Variants in EIF5 observed in about 807,000 individuals in gnomAD.
EIF5 encodes eukaryotic translation initiation factor 5.
In EIF5, 10 loss-of-function variants were observed where a neutral mutation model predicts 48.3. That is an observed-to-expected ratio of 0.21 (90% CI 0.13 to 0.35). The LOEUF is 0.35. Ranked by LOEUF, EIF5 falls within the 10% of genes least tolerant of loss-of-function variation. The pLI is 1.00. For synonymous variants in EIF5, 237 were observed against 173.1 expected (o/e 1.37, Z -2.90); for missense variants, 397 against 533.2 (o/e 0.74, Z 2.51).
chr14:103,339,396 A>G, intron 9 of EIF5, 63 bp downstream of exon 9: 1 of 1,538,936 alleles, frequency 6.5e-7, no homozygotes. Context: ...AGATGGTCAT[A>G]TTAACCACTT....
chr14:103,340,588 G>A, intron 11 of EIF5, 27 bp downstream of exon 11: 1 of 1,600,382 alleles, frequency 6.2e-7, no homozygotes, highest in Non-Finnish European at 8.6e-7. Context: ...GAGGGTATTG[G>A]ATACAGTGCT....
intron 6 of EIF5, 146 bp downstream of exon 6, chr14:103,337,373 G>C (rs2089299509): frequency 3.1e-6 from 2 of 655,016 alleles, no homozygotes; most frequent in Non-Finnish European, 5.1e-6. Context: ...GGGAGGCCAG[G>C]GCGGGCACAT....
intron 4 of EIF5, 59 bp from the exon 5 acceptor site, chr14:103,336,617 AG>A: frequency 7.1e-7 from 1 of 1,411,666 alleles, no homozygotes; most frequent in Non-Finnish European, 9.6e-7. Flanking sequence ...TACAAATGTG[AG>A]TGAGTAGCCA....
chr14:103,342,269 A>G lies in EIF5; in HGVS notation c.*1217A>G, dbSNP rs543385698. 20 of 152,536 alleles carry G rather than the reference A, an allele frequency of 1.3e-4. No homozygotes were observed. Among genetic ancestry groups the G allele is most frequent in the African/African-American group, 4.8e-4 (20 of 41,582 alleles). 9.4% of individuals were successfully genotyped at this position (152,536 alleles called of 1,614,324 possible). A position where few individuals can be genotyped will look rare whatever the true frequency, so the allele number is the denominator to read the frequency against. The stretch of plus-strand genomic sequence containing the variant: ...CACATTGAATATAGCCAGGCACCCA[A>G]GAAGTCTGATGGCCACCTGAGTGCA... On this transcript the variant is annotated 3_prime_UTR_variant, in exon 12 of 12. Transcript: ENST00000216554.
chr14:103,337,546 G>T, intron 6 of EIF5: 1 of 376,058 alleles, frequency 2.7e-6, no homozygotes. Flanking sequence ...AGGTTGCACT[G>T]AGCTGAGATC....
rs2089340516 is a variant in EIF5, at chr14:103,340,509, C to T, written c.1154C>T (p.Ala385Val). The T allele has an allele frequency of 6.2e-7, 1 of 1,612,598 alleles. No individual in the cohort carries two copies. ...AEPFIKWLKEAEEESSGGEEE... is the reference protein window; with the variant it reads ...AEPFIKWLKEVEEESSGGEEE... The stretch of plus-strand genomic sequence containing the variant: ...CCATTTATAAAATGGTTGAAGGAGG[C>T]AGAGGAAGAATCTTCTGGTGGCGAA... Residue 385 changes from alanine to valine, a missense_variant, in exon 11 of 12, where the codon GCA becomes GTA. Physicochemically the swap from Ala to Val is moderately conservative, Grantham distance 64. Transcript: ENST00000216554.
intron 6 of EIF5, chr14:103,338,012 C>CG: frequency 1.8e-6 from 1 of 565,140 alleles, no homozygotes; most frequent in Non-Finnish European, 3.4e-6. Context: ...GAGTTAATGA[C>CG]TTTGTTCATG....
At chr14:103,340,391 T>G (rs1476664509) in intron 10 of EIF5, 36 bp from the exon 11 acceptor site, 1 of 1,580,938 alleles carries the variant, frequency 6.3e-7, no homozygotes, top group Non-Finnish European at 8.7e-7. Context: ...GTTGTTAAAA[T>G]TCCTCAACTA....
At position 103,342,759 on chromosome 14, in the gene EIF5, C is replaced by G. The variant is rs573501190; in HGVS notation, c.*1707C>G. The stretch of plus-strand genomic sequence containing the variant: ...GAGCCATATACCTGGAGGGAATGTG[C>G]TTTGTCACACCAAAGAGGATTTTTT... On this transcript the variant is annotated 3_prime_UTR_variant, in exon 12 of 12. Transcript: ENST00000216554. 1 of 152,588 alleles carries G rather than the reference C, an allele frequency of 6.6e-6. No homozygotes were observed. Among genetic ancestry groups the G allele is most frequent in the Non-Finnish European group, 1.5e-5 (1 of 68,038 alleles). The allele number at this position is 152,588 out of a possible 1,614,324, so 9.5% of individuals were successfully genotyped here. A position where few individuals can be genotyped will look rare whatever the true frequency, so the allele number is the denominator to read the frequency against.
At chr14:103,334,643 TGGC>T (rs1471810255) in intron 2 of EIF5, 46 bp downstream of exon 2, 3 of 146,344 alleles carry the variant, frequency 2.0e-5, no homozygotes, top group Non-Finnish European at 4.5e-5. Flanking sequence ...CCGCACAAGA[TGGC>T]GGCGGCCGCC....
chr14:103,340,391 T>C (rs1476664509), intron 10 of EIF5, 36 bp from the exon 11 acceptor site: 1 of 1,580,938 alleles, frequency 6.3e-7, no homozygotes, highest in African/African-American at 1.4e-5. Context: ...GTTGTTAAAA[T>C]TCCTCAACTA....
chr14:103,343,063 T>C lies in EIF5; in HGVS notation c.*2011T>C, dbSNP rs1368034448. On this transcript the variant is annotated 3_prime_UTR_variant, in exon 12 of 12. Coordinates refer to ENST00000216554, the MANE Select transcript of EIF5 (RefSeq NM_001969.5). ...ATACAAATTCACATAATCTGAACTT[T>C]GTTCACAGGTTATCCTAATAGAGTA... The C allele has an allele frequency of 3.9e-5, 6 of 152,682 alleles. No homozygotes were observed. The highest frequency in any genetic ancestry group is 5.9e-5 in the Non-Finnish European group (4 of 68,044). The allele number at this position is 152,682 out of a possible 1,614,324, so 9.5% of individuals were successfully genotyped here.
At chr14:103,339,022 A>T in intron 8 of EIF5, 129 bp downstream of exon 8, 1 of 1,482,752 alleles carries the variant, frequency 6.7e-7, no homozygotes, top group South Asian at 1.4e-5. Flanking sequence ...TGTTCATTTA[A>T]ATATTTTTTG....
At position 103,335,775 on chromosome 14, in the gene EIF5, C is replaced by G; in HGVS notation, c.-86C>G. 4.3e-5 allele frequency: 60 copies of G among 1,384,620 alleles called. No individual in the cohort carries two copies. The highest frequency in any genetic ancestry group is 5.3e-5 in the Non-Finnish European group (52 of 981,206). The allele number at this position is 1,384,620 out of a possible 1,614,324, so 85.8% of individuals were successfully genotyped here. A position where few individuals can be genotyped will look rare whatever the true frequency, so the allele number is the denominator to read the frequency against. On this transcript the variant is annotated 5_prime_UTR_variant, in exon 3 of 12. The change creates a premature stop within an existing upstream ORF in the 5' untranslated region. Coordinates refer to ENST00000216554, the MANE Select transcript of EIF5 (RefSeq NM_001969.5). ...CGAGAACTCTTGCAGTCGTTTATGT[C>G]ATCCCTTCTTCTCCAGACAGAAGAT...
intron 6 of EIF5, chr14:103,337,653 G>A: frequency 6.0e-6 from 2 of 332,492 alleles, no homozygotes; most frequent in South Asian, 4.8e-5. Context: ...TCAAATCTAA[G>A]ACATCTTTCA....
rs772694112 is a variant in EIF5 at position 103,341,098 on chromosome 14, C to T, written c.*46C>T. ...TTAACAGTATAATGCTGCAAATTTT[C>T]CTCCATTATCAGCCAGAAGTGCAAC... is the stretch of plus-strand genomic sequence containing the variant. On this transcript the variant is annotated 3_prime_UTR_variant, in exon 12 of 12. Transcript: ENST00000216554. The T allele has an allele frequency of 7.0e-6, 11 of 1,580,448 alleles. No homozygotes were observed. The highest frequency in any genetic ancestry group is 5.4e-5 in the African/African-American group (4 of 74,284).
intron 6 of EIF5, chr14:103,338,072 C>T: frequency 1.7e-6 from 1 of 601,970 alleles, no homozygotes; most frequent in South Asian, 1.7e-5. Context: ...GAGGCATCAT[C>T]ACTTCATCTT....
At position 103,343,654 on chromosome 14, in the gene EIF5, C is replaced by G. The variant is rs2089379384; in HGVS notation, c.*2602C>G. ...AAGCTGTTTGTTCCAGTGTACCAAG[C>G]ACTGACTTTATGCCTTTGGCCTGGA... On this transcript the variant is annotated 3_prime_UTR_variant, in exon 12 of 12. Coordinates refer to ENST00000216554, the MANE Select transcript of EIF5 (RefSeq NM_001969.5). 1 of 152,190 alleles carries G rather than the reference C, an allele frequency of 6.6e-6. No individual in the cohort carries two copies. The highest frequency in any genetic ancestry group is 2.4e-5 in the African/African-American group (1 of 41,448). 9.4% of individuals were successfully genotyped at this position (152,190 alleles called of 1,614,324 possible).
chr14:103,336,353 C>T lies in EIF5; in HGVS notation c.154+236C>T, dbSNP rs887913121. ...CCCCCAGCACTTTGGAAGGCTGAGG[C>T]AAGCGGATCGCGAGGTCAGGAGTTC... is the stretch of plus-strand genomic sequence containing the variant. On this transcript the variant is annotated intron_variant, in intron 4 of 11. Transcript: ENST00000216554. Among the ~76,000 whole-genome samples, 9 of 152,148 alleles carry T rather than the reference C, an allele frequency of 5.9e-5. No individual in the cohort carries two copies. The East Asian group carries it at 9.6e-4, about 16-fold the overall frequency.
Sources: allele counts gnomAD v4.1 joint callset (sites outside exome capture counted in the v4.1 genomes callset), GRCh38; gene constraint gnomAD v4.1.1; transcripts MANE v1.5; gene names NCBI Gene and HGNC (gene_info 2026-07-23, HGNC 2026-07-21).